The following ADCY4 variants were observed in gnomAD, a reference collection of about 807,000 sequenced individuals.
The protein encoded by ADCY4 is adenylate cyclase type 4.
A neutral mutation model predicts 125.5 loss-of-function variants in ADCY4; 111 were observed. The observed-to-expected ratio is 0.88, with a 90% CI of 0.76 to 1.04. The LOEUF (loss-of-function observed/expected upper bound fraction) is 1.04, where lower values mean the gene tolerates loss of function less well. Ranked by LOEUF, ADCY4 falls within the 50% of genes least tolerant of loss-of-function variation. The probability of loss-of-function intolerance (pLI) is 0.00; values close to 1 mark genes in which losing one functional copy is unlikely to be tolerated. For missense variants in ADCY4, 1,256 were observed against 1,382.9 expected (o/e 0.91, Z 1.46); for synonymous variants, 576 against 586.9 (o/e 0.98, Z 0.27).
At position 24,333,002 on chromosome 14, in the gene ADCY4, T is replaced by G; in HGVS notation, c.160-14A>C. ...TGAGGTCAGCTCCTGTGGGCAGGGGTGTGTGAGGCAAGATTGTGACAGGGA... is the reference window on the plus strand; with the variant it reads ...TGAGGTCAGCTCCTGTGGGCAGGGGGGTGTGAGGCAAGATTGTGACAGGGA... On this transcript the variant is annotated splice_polypyrimidine_tract_variant and intron_variant, in intron 1 of 24. Transcript: ENST00000418030. 6.6e-7 allele frequency: 1 copy of G among 1,507,502 alleles called. No individual in the cohort carries two copies. The highest frequency in any genetic ancestry group is 8.9e-7 in the Non-Finnish European group (1 of 1,128,340). The allele number at this position is 1,507,502 out of a possible 1,614,324, so 93.4% of individuals were successfully genotyped here.
Position 24,318,640 on chromosome 14 carries a change from T to C in ADCY4, c.3081+14A>G. Reference sequence around the variant, plus strand: ...AGTCCCCCTCCCCCTATGCCTCCAATGTGGTTCCCTCACTTGGATTTTGCC... The same window carrying C: ...AGTCCCCCTCCCCCTATGCCTCCAACGTGGTTCCCTCACTTGGATTTTGCC... On this transcript the variant is annotated intron_variant, in intron 24 of 24. Transcript: ENST00000418030. The C allele has an allele frequency of 1.2e-6, 2 of 1,614,082 alleles. No individual in the cohort carries two copies. The highest frequency in any genetic ancestry group is 1.1e-5 in the South Asian group (1 of 91,086).
chr14:24,318,954 C>T, intron 23 of ADCY4, 144 bp downstream of exon 23: 1 of 1,388,030 alleles, frequency 7.2e-7, no homozygotes, highest in Non-Finnish European at 1.0e-6. Context: ...CCTCCTTGCC[C>T]AGCACCTTCA....
rs1001457310 is a variant in ADCY4, at chr14:24,334,378, G to A, written c.159+116C>T. The A allele has an allele frequency of 6.3e-6, 9 of 1,439,290 alleles. No homozygotes were observed. The African/African-American group carries it at 8.6e-5, about 14-fold the overall frequency. 89.2% of individuals were successfully genotyped at this position (1,439,290 alleles called of 1,614,324 possible). ...CTGCAGTTCCTAGCCAGGCTCAATG[G>A]TCCTTTCTTTCTCTGCTCCCAGCAA... On this transcript the variant is annotated intron_variant, in intron 1 of 24. Coordinates refer to ENST00000418030, the MANE Select transcript of ADCY4 (RefSeq NM_001198568.2).
chr14:24,322,407 A>G (rs767714581), intron 19 of ADCY4, 183 bp from the exon 20 acceptor site: 1 of 867,972 alleles, frequency 1.2e-6, no homozygotes, highest in Admixed American at 2.9e-5. Flanking sequence ...CAGACTAGGG[A>G]TAGAGAATTG....
Position 24,332,230 on chromosome 14 carries a change from C to T in ADCY4, c.519+292G>A, listed in dbSNP as rs547894791. ...CCACTGTCGCTACCCACTCCCATCGCACAAAACTTTTTTTTTTTTTTTTTC... is the reference window on the plus strand; with the variant it reads ...CCACTGTCGCTACCCACTCCCATCGTACAAAACTTTTTTTTTTTTTTTTTC... On this transcript the variant is annotated intron_variant, in intron 3 of 24. Transcript: ENST00000418030. 5 of 459,088 alleles carry T rather than the reference C, an allele frequency of 1.1e-5. No individual in the cohort carries two copies. In the Admixed American group the frequency reaches 2.1e-4, roughly 20 times the overall value. The allele number at this position is 459,088 out of a possible 1,614,324, so 28.4% of individuals were successfully genotyped here. A position where few individuals can be genotyped will look rare whatever the true frequency, so the allele number is the denominator to read the frequency against.
chr14:24,318,933 A>C (rs2041811337), intron 23 of ADCY4, 155 bp from the exon 24 acceptor site: 2 of 1,391,208 alleles, frequency 1.4e-6, no homozygotes, highest in African/African-American at 2.9e-5. Context: ...AAAGAGTGGG[A>C]GAGCCTCGTA....
At chr14:24,322,571 A>T in intron 19 of ADCY4, 53 bp downstream of exon 19, 1 of 1,570,060 alleles carries the variant, frequency 6.4e-7, no homozygotes. Context: ...CAAGTCACAG[A>T]TATGGGGGCC....
rs763353444 is a variant in ADCY4, at chr14:24,326,170, A to C, written c.1569-5T>G. ...AGTCCCCGGGGGGTACGGCTCCTGC[A>C]CAGTGAGAGCCAAGTCCATCACCAC... On this transcript the variant is annotated splice_region_variant and splice_polypyrimidine_tract_variant and intron_variant, in intron 11 of 24. Transcript: ENST00000418030. 5 of 1,604,846 alleles carry C rather than the reference A, an allele frequency of 3.1e-6. No homozygotes were observed. The Admixed American group carries it at 8.4e-5, about 27-fold the overall frequency.
rs2139191138 is a variant in ADCY4, at chr14:24,319,806, T to C, written c.2669A>G (p.Asn890Ser). 1.9e-6 allele frequency: 3 copies of C among 1,614,146 alleles called. No homozygotes were observed. Among genetic ancestry groups the C allele is most frequent in the Admixed American group, 1.7e-5 (1 of 60,016 alleles). ...PDFKEFYSES[N>S]INHEGLECLR... ...ACACTCTAGGCCCTCATGATTGATG[T>C]TGGATTCAGAGTAGAACTCCTTGAA... is the stretch of plus-strand genomic sequence containing the variant. Residue 890 changes from asparagine to serine, a missense_variant, in exon 21 of 25, where the codon AAC (asparagine) becomes AGC (serine). Physicochemically the swap from Asn to Ser is conservative, Grantham distance 46. Transcript: ENST00000418030. This position sits in a 1 kb window ranked among gnomAD's most constrained non-coding sequence, Gnocchi z 4.5.
rs1279007055 is a variant in ADCY4 at position 24,332,597 on chromosome 14, G to A, written c.444C>T (p.Ser148=). Residue 148 remains serine (S), a synonymous_variant, in exon 3 of 25, where the codon TCC becomes TCT. Coordinates refer to ENST00000418030, the MANE Select transcript of ADCY4 (RefSeq NM_001198568.2). ...CGAGGACCAGCAGATGCGAGAGTGA[G>A]GAGGCGAGGCCCGCGACGGCGGCGT... ...MRDAAVAGLA[S]SLSHLLVLGL... 1.9e-6 allele frequency: 3 copies of A among 1,579,376 alleles called. No homozygotes were observed. Among genetic ancestry groups the A allele is most frequent in the African/African-American group, 2.7e-5 (2 of 74,444 alleles).
Position 24,334,770 on chromosome 14 carries a change from C to G in ADCY4, c.-118G>C. The stretch of plus-strand genomic sequence containing the variant: ...CGCTCAAAGCCGCTACCACCCCGCG[C>G]CCCCAACCTCGTGGCAATCCCGTCT... On this transcript the variant is annotated 5_prime_UTR_variant, in exon 1 of 25. Coordinates refer to ENST00000418030, the MANE Select transcript of ADCY4 (RefSeq NM_001198568.2). The G allele has an allele frequency of 1.2e-6, 1 of 819,702 alleles. No homozygotes were observed. The allele number at this position is 819,702 out of a possible 1,614,324, so 50.8% of individuals were successfully genotyped here.
In ADCY4 at chr14:24,319,644, G is replaced by T; in HGVS notation, c.2733+98C>A. 1 of 1,492,392 alleles carries T rather than the reference G, an allele frequency of 6.7e-7. No homozygotes were observed. The highest frequency in any genetic ancestry group is 9.3e-7 in the Non-Finnish European group (1 of 1,079,626). The allele number at this position is 1,492,392 out of a possible 1,614,324, so 92.4% of individuals were successfully genotyped here. On this transcript the variant is annotated intron_variant, in intron 21 of 24. Coordinates refer to ENST00000418030, the MANE Select transcript of ADCY4 (RefSeq NM_001198568.2). This position sits in a 1 kb window ranked among gnomAD's most constrained non-coding sequence, Gnocchi z 4.5. ...GGTGAGGGAGTACTGTGGAGGGGAG[G>T]ATTGACTTCATGGCCAGAAAAGCAA...
At position 24,325,415 on chromosome 14, in the gene ADCY4, A is replaced by G. The variant is rs2139205717; in HGVS notation, c.1785T>C (p.Phe595=). 6.2e-7 allele frequency: 1 copy of G among 1,613,706 alleles called. No homozygotes were observed. Among genetic ancestry groups the G allele is most frequent in the South Asian group, 1.1e-5 (1 of 91,072 alleles). Residue 595 remains phenylalanine (F), a synonymous_variant, in exon 14 of 25, where the codon TTT becomes TTC. Transcript: ENST00000418030. ...KYYEACTFLV[F]LSNFIIQMLV... is the part of the protein sequence containing the mutation. ...GCATCTGGATGATGAAGTTGGAGAGAAAAACCAGGAAGGTGCAGGCTTCAT... is the reference window on the plus strand; with the variant it reads ...GCATCTGGATGATGAAGTTGGAGAGGAAAACCAGGAAGGTGCAGGCTTCAT...
intron 1 of ADCY4, 67 bp from the exon 2 acceptor site, chr14:24,333,055 C>T: frequency 1.4e-6 from 2 of 1,451,274 alleles, no homozygotes; most frequent in Non-Finnish European, 1.8e-6. Context: ...AAAGGAAAAG[C>T]CAGCAGCCCA....
Position 24,322,891 on chromosome 14 carries a change from C to A in ADCY4, c.2342+13G>T. The A allele has an allele frequency of 1.3e-6, 2 of 1,582,346 alleles. No homozygotes were observed. Among genetic ancestry groups the A allele is most frequent in the Non-Finnish European group, 1.7e-6 (2 of 1,164,374 alleles). ...CAGGGGGCCCGGCACCTCTGTCCAGCAGCTGTGCACACCTGGAGTCCAAGG... is the reference window on the plus strand; with the variant it reads ...CAGGGGGCCCGGCACCTCTGTCCAGAAGCTGTGCACACCTGGAGTCCAAGG... On this transcript the variant is annotated intron_variant, in intron 18 of 24. Coordinates refer to ENST00000418030, the MANE Select transcript of ADCY4 (RefSeq NM_001198568.2).
Position 24,319,606 on chromosome 14 carries a change from G to T in ADCY4, c.2733+136C>A, listed in dbSNP as rs2041821968. ...AGTGTTGCTGGAGTGGGTAGATCTG[G>T]GGGATCAGAGGAGGTGAGGGAGTAC... On this transcript the variant is annotated intron_variant, in intron 21 of 24. Coordinates refer to ENST00000418030, the MANE Select transcript of ADCY4 (RefSeq NM_001198568.2). This position sits in a 1 kb window ranked among gnomAD's most constrained non-coding sequence, Gnocchi z 4.5. 3 of 1,280,080 alleles carry T rather than the reference G, an allele frequency of 2.3e-6. No homozygotes were observed. The Admixed American group carries it at 6.0e-5, about 25-fold the overall frequency. 79.3% of individuals were successfully genotyped at this position (1,280,080 alleles called of 1,614,324 possible).
chr14:24,322,462 T>G, intron 19 of ADCY4, 162 bp downstream of exon 19: 1 of 878,148 alleles, frequency 1.1e-6, no homozygotes, highest in Non-Finnish European at 1.7e-6. Context: ...GATAGGGGTG[T>G]GGGAGAAAGG....
intron 2 of ADCY4, 35 bp downstream of exon 2, chr14:24,332,756 G>T: frequency 2.0e-6 from 3 of 1,531,114 alleles, no homozygotes; most frequent in Non-Finnish European, 2.6e-6. Context: ...CGAAGCCCGG[G>T]CCGTCCCCGC....
In ADCY4 at chr14:24,326,083, G is replaced by A. The variant is rs1401802940; in HGVS notation, c.1651C>T (p.Gln551Ter). 6.3e-7 allele frequency: 1 copy of A among 1,576,354 alleles called. No homozygotes were observed. Among genetic ancestry groups the A allele is most frequent in the Non-Finnish European group, 8.6e-7 (1 of 1,159,064 alleles). The change falls in exon 12 of 25, where the codon CAG (glutamine) becomes TAG (stop). Residue 551 changes from glutamine to a stop codon, truncating the protein, a stop_gained. Transcript: ENST00000418030. LOFTEE classifies it high-confidence loss of function. ...AGCCCTCTTTGTTCTCCGTACTTCT[G>A]CGAGTTGAGCTGCTCAATGACCTGG... Reference protein sequence around the residue: ...FFQVIEQLNSQKQWKQSKDFN... With the variant: ...FFQVIEQLNS
Sources: allele counts gnomAD v4.1 joint callset, GRCh38; gene constraint gnomAD v4.1.1; non-coding constraint Gnocchi (gnomAD v3.1); transcripts MANE v1.5; gene names NCBI Gene and HGNC (gene_info 2026-07-23, HGNC 2026-07-21).